The following MED27 variants were observed in gnomAD, a reference collection of about 807,000 sequenced individuals.
The protein encoded by MED27 is mediator of RNA polymerase II transcription subunit 27.
MED27 carries 30 observed loss-of-function variants against 38.2 expected under a neutral mutation model. The observed-to-expected ratio is 0.79, with a 90% CI of 0.59 to 1.07. The LOEUF (loss-of-function observed/expected upper bound fraction) is 1.07, where lower values mean the gene tolerates loss of function less well. MED27 is among the 50% of genes least tolerant of loss of function. MED27 has a pLI of 0.00. For synonymous variants in MED27, 122 were observed against 153.5 expected (o/e 0.79, Z 1.52); for missense variants, 289 against 397.5 (o/e 0.73, Z 2.32).
intron 4 of MED27, among the ~76,000 whole-genome samples, chr9:131,908,140 C>A (rs1830108308): frequency 9.8e-6 from 1 of 101,782 alleles, no homozygotes; most frequent in African/African-American, 2.8e-5. Flanking sequence ...GGGGTCAGCC[C>A]CCCGCTCGGC....
chr9:132,015,466 A>G (rs1273155635), intron 2 of MED27, among the ~76,000 whole-genome samples: 1 of 152,214 alleles, frequency 6.6e-6, no homozygotes, highest in East Asian at 1.9e-4. Context: ...AAACCAAACA[A>G]AACTTTGAAT....
At chr9:132,078,241 A>G (rs554557391) in intron 1 of MED27, among the ~76,000 whole-genome samples, 3 of 152,294 alleles carry the variant, frequency 2.0e-5, no homozygotes, top group Non-Finnish European at 4.4e-5. Context: ...CAAACTGCCA[A>G]CAAAAGACTC....
rs1838658057 is a variant in MED27 at position 131,861,851 on chromosome 9, A to G, written c.802-1179T>C. 6.6e-6 allele frequency among the ~76,000 whole-genome samples: 1 copy of G among 150,820 alleles called. No individual in the cohort carries two copies. The highest frequency in any genetic ancestry group is 6.6e-5 in the Admixed American group (1 of 15,074). On this transcript the variant is annotated intron_variant, in intron 7 of 7. Transcript: ENST00000292035. This position sits in a 1 kb window ranked among gnomAD's most constrained non-coding sequence, Gnocchi z 4.4. ...GCAGTGGTGCAATCGATCATAGCTC[A>G]CTGTAACCTTGAACTCCTGGGCTCA...
chr9:132,061,962 G>A (rs1240407134), intron 2 of MED27, among the ~76,000 whole-genome samples: 2 of 152,124 alleles, frequency 1.3e-5, no homozygotes, highest in African/African-American at 2.4e-5. Flanking sequence ...TCAGCAAGCC[G>A]AGCTGTGAGT....
chr9:131,930,080 G>A (rs12338839), intron 4 of MED27, among the ~76,000 whole-genome samples: 4,832 of 152,228 alleles, frequency 0.032, 269 homozygotes, highest in African/African-American at 0.11. Flanking sequence ...AAGGGAAGAG[G>A]ACCAAGTCTC....
intron 2 of MED27, among the ~76,000 whole-genome samples, chr9:132,036,825 G>T (rs773329865): frequency 1.3e-5 from 2 of 152,060 alleles, no homozygotes; most frequent in Non-Finnish European, 2.9e-5. Context: ...CATTAAATAG[G>T]TAACCCCCTA....
chr9:132,055,420 GTCATCTATGAGTACTTTATAA>G (rs1180378715), intron 2 of MED27, among the ~76,000 whole-genome samples: 1 of 152,154 alleles, frequency 6.6e-6, no homozygotes, highest in African/African-American at 2.4e-5. Context: ...AATGGACCTA[GTCATCTATGAGTACTTTATAA>G]ACAAAATACA....
intron 3 of MED27, among the ~76,000 whole-genome samples, chr9:131,985,569 A>G (rs1257740563): frequency 6.6e-6 from 1 of 152,236 alleles, no homozygotes; most frequent in African/African-American, 2.4e-5. Context: ...AGCTGGTGTC[A>G]ACAAACCTAC....
intron 3 of MED27, among the ~76,000 whole-genome samples, chr9:131,950,677 G>A (rs796860572): frequency 7.9e-5 from 12 of 152,274 alleles, no homozygotes; most frequent in African/African-American, 2.9e-4. Flanking sequence ...CACATCTGAG[G>A]AAACCGCAGA....
At chr9:131,868,409 G>C (rs1564260123) in intron 6 of MED27, among the ~76,000 whole-genome samples, 1 of 152,212 alleles carries the variant, frequency 6.6e-6, no homozygotes, top group Non-Finnish European at 1.5e-5. Flanking sequence ...CTCCTGAGTT[G>C]CTGGGACTAT....
intron 3 of MED27, among the ~76,000 whole-genome samples, chr9:132,002,542 A>C (rs1336227031): frequency 3.3e-5 from 5 of 150,632 alleles, no homozygotes; most frequent in African/African-American, 1.2e-4. Context: ...TTGATGACTT[A>C]TAACCCTAAC....
chr9:131,988,468 T>C (rs1291793373), intron 3 of MED27, among the ~76,000 whole-genome samples: 1 of 152,200 alleles, frequency 6.6e-6, no homozygotes, highest in Non-Finnish European at 1.5e-5. Flanking sequence ...ATGAAGACAA[T>C]GCGGATGAAG....
intron 2 of MED27, among the ~76,000 whole-genome samples, chr9:132,055,593 T>C (rs1361450057): frequency 3.3e-5 from 5 of 152,186 alleles, no homozygotes; most frequent in Non-Finnish European, 5.9e-5. Context: ...ACAAATGAAA[T>C]CTGCTATTAA....
intron 2 of MED27, among the ~76,000 whole-genome samples, chr9:132,021,824 G>A (rs774265706): frequency 6.6e-6 from 1 of 151,716 alleles, no homozygotes; most frequent in Non-Finnish European, 1.5e-5. Flanking sequence ...GGAAGAGGAA[G>A]AGATCAGATT....
At chr9:132,067,435 A>C (rs373213259) in intron 2 of MED27, among the ~76,000 whole-genome samples, 1 of 152,238 alleles carries the variant, frequency 6.6e-6, no homozygotes, top group Non-Finnish European at 1.5e-5. Context: ...TGAATGACTA[A>C]GAGTTTTCCA....
chr9:132,070,926 C>A (rs921361934), intron 2 of MED27, among the ~76,000 whole-genome samples: 7 of 151,866 alleles, frequency 4.6e-5, no homozygotes, highest in African/African-American at 1.7e-4. Context: ...GATTATTCAA[C>A]AGAATCTCCA....
intron 2 of MED27, among the ~76,000 whole-genome samples, chr9:132,062,580 G>A (rs1833720699): frequency 6.6e-6 from 1 of 151,628 alleles, no homozygotes; most frequent in Admixed American, 6.6e-5. Context: ...TATGGAGACT[G>A]TCTTCATCCT....
intron 2 of MED27, among the ~76,000 whole-genome samples, chr9:132,057,312 C>T (rs571082475): frequency 3.9e-5 from 6 of 152,310 alleles, no homozygotes; most frequent in Non-Finnish European, 7.4e-5. Flanking sequence ...CGTCCTCATC[C>T]GGCAAACCAA....
At chr9:131,868,500 C>T (rs1838773103) in intron 6 of MED27, 12 of 890,486 alleles carry the variant, frequency 1.3e-5, no homozygotes, top group Non-Finnish European at 1.6e-5. Context: ...TGGTTTCCAA[C>T]TCCTGGCTCA....
Sources: gnomAD v4.1 joint callset for allele counts (sites outside exome capture counted in the v4.1 genomes callset) on GRCh38, gnomAD v4.1.1 for gene constraint, Gnocchi (gnomAD v3.1) non-coding constraint, MANE v1.5 for transcripts, NCBI Gene and HGNC (gene_info 2026-07-23, HGNC 2026-07-21) for gene names.